The following RNF2 variants were observed in gnomAD, a reference collection of about 807,000 sequenced individuals.
RNF2 encodes the protein ring finger protein 2, also known as E3 ubiquitin-protein ligase RING2.
RNF2 carries 6 observed loss-of-function variants against 37.2 expected under a neutral mutation model. The observed-to-expected ratio is 0.16, with a 90% CI of 0.09 to 0.32. The LOEUF (loss-of-function observed/expected upper bound fraction) is 0.32. Ranked by LOEUF, RNF2 falls within the 10% of genes least tolerant of loss-of-function variation. RNF2 has a pLI of 1.00. For missense variants in RNF2, 251 were observed against 404.0 expected, an observed-to-expected ratio of 0.62 and a Z score of 3.25; for synonymous variants, 133 against 132.7, an observed-to-expected ratio of 1.00 and a Z score of -0.02.
chr1:185,082,507 A>G (rs898346363), intron 1 of RNF2, among the ~76,000 whole-genome samples: 3 of 149,848 alleles, frequency 2.0e-5, no homozygotes, highest in African/African-American at 7.4e-5. Flanking sequence ...ATGCCACCAT[A>G]CCTGGCTAAT....
chr1:185,063,958 A>G (rs1650724315), intron 1 of RNF2, among the ~76,000 whole-genome samples: 2 of 152,214 alleles, frequency 1.3e-5, no homozygotes, highest in Admixed American at 6.5e-5. Context: ...TGGATAATCC[A>G]GGATAATCTC....
At position 185,093,177 on chromosome 1, in the gene RNF2, C is replaced by T; in HGVS notation, c.365C>T (p.Ala122Val). Reference sequence around the variant, plus strand: ...TATCCAAGTCGTGATGAGTATGAAGCTCATCAAGAGAGAGTATTAGCCAGG... The same window carrying T: ...TATCCAAGTCGTGATGAGTATGAAGTTCATCAAGAGAGAGTATTAGCCAGG... ...KIYPSRDEYEAHQERVLARIN... is the reference protein window; with the variant it reads ...KIYPSRDEYEVHQERVLARIN... Residue 122 changes from alanine to valine, a missense_variant, in exon 4 of 7, where the codon GCT (alanine) becomes GTT (valine). Around this residue, in one of 7 missense-constraint regions of RNF2, gnomAD observed 33 missense variants for 46.8 expected, o/e 0.71. Coordinates refer to ENST00000367510, the MANE Select transcript of RNF2 (RefSeq NM_007212.4). 1 of 1,614,022 alleles carries T rather than the reference C, an allele frequency of 6.2e-7. No homozygotes were observed. The highest frequency in any genetic ancestry group is 8.5e-7 in the Non-Finnish European group (1 of 1,179,968).
At chr1:185,062,126 T>C (rs1650625266) in intron 1 of RNF2, among the ~76,000 whole-genome samples, 1 of 152,234 alleles carries the variant, frequency 6.6e-6, no homozygotes, top group Admixed American at 6.5e-5. Flanking sequence ...AACTTTTAAC[T>C]GCTTTTGAGG....
chr1:185,054,886 G>A (rs1378604325), intron 1 of RNF2, among the ~76,000 whole-genome samples: 1 of 152,008 alleles, frequency 6.6e-6, no homozygotes, highest in Non-Finnish European at 1.5e-5. Flanking sequence ...TTTTGGTGGA[G>A]ACAAGGTTTC....
At chr1:185,070,734 G>T (rs953005844) in intron 1 of RNF2, among the ~76,000 whole-genome samples, 3 of 151,544 alleles carry the variant, frequency 2.0e-5, no homozygotes, top group African/African-American at 7.3e-5. Context: ...CGCCTCCCGG[G>T]TTCACACCAT....
At position 185,100,203 on chromosome 1, in the gene RNF2, T is replaced by C. The variant is rs762131928; in HGVS notation, c.913T>C (p.Leu305=). 3.1e-6 allele frequency: 5 copies of C among 1,596,508 alleles called. No homozygotes were observed. In the East Asian group the frequency reaches 1.1e-4, roughly 36 times the overall value. ...IATASGQFTV[L]NGSFSLELVS... is the part of the protein sequence containing the mutation. ...TTTTCTTTCTTTTTTGTTTTAGGTA[T>C]TAAATGGCTCTTTTTCTTTGGAATT... The change falls in exon 7 of 7, where the codon TTA becomes CTA. Residue 305 remains leucine, a synonymous_variant. Coordinates refer to ENST00000367510, the MANE Select transcript of RNF2 (RefSeq NM_007212.4).
In RNF2 at chr1:185,098,097, A is replaced by T; in HGVS notation, c.490A>T (p.Ile164Phe). The change falls in exon 5 of 7, where the codon ATT becomes TTT. Residue 164 changes from isoleucine to phenylalanine, a missense_variant. Ile to Phe is a conservative substitution (Grantham distance 21). Coordinates refer to ENST00000367510, the MANE Select transcript of RNF2 (RefSeq NM_007212.4). ...ACTGCAGCGAGGCAAGAAACAACAG[A>T]TTGAAAATGGTAGTGGAGCAGAAGA... Reference protein sequence around the residue: ...NRLQRGKKQQIENGSGAEDNG... With the variant: ...NRLQRGKKQQFENGSGAEDNG... 2 of 1,614,176 alleles carry T rather than the reference A, an allele frequency of 1.2e-6. No homozygotes were observed. The highest frequency in any genetic ancestry group is 1.7e-6 in the Non-Finnish European group (2 of 1,180,020).
intron 1 of RNF2, among the ~76,000 whole-genome samples, chr1:185,064,119 T>G (rs1323039064): frequency 6.6e-6 from 1 of 152,190 alleles, no homozygotes; most frequent in East Asian, 1.9e-4. Context: ...CAGAAGGGCA[T>G]TTAAAATTAA....
In RNF2 at chr1:185,093,109, A is replaced by T; in HGVS notation, c.297A>T (p.Ser99=). 6.2e-7 allele frequency: 1 copy of T among 1,613,972 alleles called. No homozygotes were observed. Among genetic ancestry groups the T allele is most frequent in the South Asian group, 1.1e-5 (1 of 91,082 alleles). The change falls in exon 4 of 7, where the codon TCA becomes TCT. Residue 99 remains serine, a synonymous_variant. Coordinates refer to ENST00000367510, the MANE Select transcript of RNF2 (RefSeq NM_007212.4). ...TCRKKLVSKR[S]LRPDPNFDAL... ...GGAAAAAACTAGTTTCCAAAAGATC[A>T]CTAAGGCCAGACCCAAACTTTGATG...
chr1:185,098,101 A>C lies in RNF2; in HGVS notation c.494A>C (p.Glu165Ala). The change falls in exon 5 of 7, where the codon GAA (glutamate) becomes GCA (alanine). Residue 165 changes from glutamate to alanine, a missense_variant. By Grantham distance (107) the Glu-to-Ala change is moderately radical (BLOSUM62 -1). Coordinates refer to ENST00000367510, the MANE Select transcript of RNF2 (RefSeq NM_007212.4). ...RLQRGKKQQI[E>A]NGSGAEDNGD... ...CAGCGAGGCAAGAAACAACAGATTG[A>C]AAATGGTAGTGGAGCAGAAGATAAT... The C allele has an allele frequency of 1.2e-6, 2 of 1,614,192 alleles. No individual in the cohort carries two copies. Among genetic ancestry groups the C allele is most frequent in the Non-Finnish European group, 1.7e-6 (2 of 1,180,026 alleles).
At chr1:185,087,040 A>T (rs1651620811) in intron 1 of RNF2, among the ~76,000 whole-genome samples, 1 of 152,218 alleles carries the variant, frequency 6.6e-6, no homozygotes, top group African/African-American at 2.4e-5. Flanking sequence ...GTTCATATTT[A>T]TAAGTGTAAA....
intron 1 of RNF2, among the ~76,000 whole-genome samples, chr1:185,057,740 G>C (rs993687460): frequency 6.6e-6 from 1 of 151,524 alleles, no homozygotes; most frequent in Admixed American, 6.6e-5. Context: ...ACAGTCATCC[G>C]TCTGTATCCA....
At chr1:185,070,302 A>G (rs1238289477) in intron 1 of RNF2, among the ~76,000 whole-genome samples, 1 of 152,242 alleles carries the variant, frequency 6.6e-6, no homozygotes, top group Non-Finnish European at 1.5e-5. Context: ...ATGAATCCAC[A>G]GCTAGTGACT....
rs199801845 is a variant in RNF2, at chr1:185,057,303, AAAAT to A, written c.-3+11674_-3+11677del. 5.7e-3 allele frequency among the ~76,000 whole-genome samples: 865 copies of A among 152,220 alleles called. 31 individuals carry two copies. In the East Asian group the frequency reaches 0.085, roughly 15 times the overall value. On this transcript the variant is annotated intron_variant, in intron 1 of 6. Transcript: ENST00000367510. Reference sequence around the variant, plus strand: ...TCTAGCCTGGGCAACCCTGTTTCAAAAAATAAATAAATAAATAAATAAAATCTAA... The same window carrying A: ...TCTAGCCTGGGCAACCCTGTTTCAAAAAATAAATAAATAAATAAAATCTAA...
chr1:185,077,999 A>G (rs947262260), intron 1 of RNF2, among the ~76,000 whole-genome samples: 5 of 152,224 alleles, frequency 3.3e-5, no homozygotes, highest in Non-Finnish European at 5.9e-5. Flanking sequence ...TAATCCCAGC[A>G]CTTTGGGAGG....
At chr1:185,081,696 C>T (rs1032992459) in intron 1 of RNF2, among the ~76,000 whole-genome samples, 19 of 152,114 alleles carry the variant, frequency 1.2e-4, no homozygotes, top group African/African-American at 4.3e-4. Flanking sequence ...AGGTGTGAGC[C>T]ACCGTGCCTG....
chr1:185,099,818 T>A lies in RNF2; in HGVS notation c.765T>A (p.Thr255=). 1 of 1,614,082 alleles carries A rather than the reference T, an allele frequency of 6.2e-7. No individual in the cohort carries two copies. Among genetic ancestry groups the A allele is most frequent in the South Asian group, 1.1e-5 (1 of 91,022 alleles). ...TRYIKTSGNA[T]VDHLSKYLAV... is the part of the protein sequence containing the mutation. ...ACATAAAGACTTCTGGTAACGCCAC[T>A]GTTGATCACTTATCCAAGTATCTGG... The change falls in exon 6 of 7, where the codon ACT becomes ACA. Residue 255 remains threonine, a synonymous_variant. Coordinates refer to ENST00000367510, the MANE Select transcript of RNF2 (RefSeq NM_007212.4).
chr1:185,087,708 A>G, intron 2 of RNF2, 68 bp downstream of exon 2: 1 of 1,155,318 alleles, frequency 8.7e-7, no homozygotes, highest in Non-Finnish European at 1.3e-6. Flanking sequence ...TTAGAACATG[A>G]AAACTTAAAT....
chr1:185,049,123 G>A (rs1222815665), intron 1 of RNF2, among the ~76,000 whole-genome samples: 4 of 152,108 alleles, frequency 2.6e-5, no homozygotes, highest in Non-Finnish European at 5.9e-5. Flanking sequence ...CTACTCAGGA[G>A]GCTGAAGCAG....
Sources: gnomAD v4.1 joint callset for allele counts (sites outside exome capture counted in the v4.1 genomes callset) on GRCh38, gnomAD v4.1.1 for gene constraint, gnomAD v4.1.1 regional missense constraint, MANE v1.5 for transcripts, NCBI Gene and HGNC (gene_info 2026-07-23, HGNC 2026-07-21) for gene names.